The following PVT1 variants were observed in gnomAD, a reference collection of about 807,000 sequenced individuals.
PVT1 encodes CXCR4/PVT1 fusion.
intron 3 of PVT1, among the ~76,000 whole-genome samples, chr8:127,977,284 T>TG (rs1563655254): frequency 6.6e-6 from 1 of 152,066 alleles, no homozygotes; most frequent in South Asian, 2.1e-4. Flanking sequence ...GTACATTTCC[T>TG]GGGGGGAAAC....
Position 127,984,105 on chromosome 8 carries a change from C to T in PVT1, n.783-5057C>T, listed in dbSNP as rs1239993434. The T allele has an allele frequency of 1.3e-5, 2 of 151,782 alleles. 1 individual carries two copies. The highest frequency in any genetic ancestry group is 2.9e-5 in the Non-Finnish European group (2 of 68,016). 9.4% of individuals were successfully genotyped at this position (151,782 alleles called of 1,614,324 possible). A position where few individuals can be genotyped will look rare whatever the true frequency, so the allele number is the denominator to read the frequency against. ...TGTTGGCCAGGTTGGTCTCGAACTC[C>T]TGACCTCAAGTGATCCACTCACTTT... On this transcript the variant is annotated intron_variant and non_coding_transcript_variant, in intron 3 of 10. Transcript: ENST00000651587.
chr8:127,845,678 G>A (rs185286840), intron 2 of PVT1, among the ~76,000 whole-genome samples: 10 of 152,176 alleles, frequency 6.6e-5, no homozygotes, highest in African/African-American at 2.4e-4. Flanking sequence ...TCTGGAAGCC[G>A]GCAGGGGCAT....
rs535638165 is a variant in PVT1 at position 127,882,487 on chromosome 8, CT to C, written n.373-8089del. Among the ~76,000 whole-genome samples the C allele has an allele frequency of 4.9e-3, 704 of 144,920 alleles. 1 individual carries two copies. The highest frequency in any genetic ancestry group is 5.5e-3 in the Non-Finnish European group (360 of 65,592). ...TTTTTGGCATCAGTTTTGAAGAAAT[CT>C]TTTTTTTTTTTTGAGATGGAGTCTC... On this transcript the variant is annotated intron_variant and non_coding_transcript_variant, in intron 2 of 10. Coordinates refer to ENST00000651587, the Ensembl canonical transcript of PVT1.
chr8:128,056,272 T>C (rs1170561171), intron 4 of PVT1, among the ~76,000 whole-genome samples: 1 of 152,180 alleles, frequency 6.6e-6, no homozygotes, highest in African/African-American at 2.4e-5. Context: ...TTAATTGAAA[T>C]AGGAGTGTGT....
At chr8:127,979,382 A>G (rs1816858650) in intron 3 of PVT1, among the ~76,000 whole-genome samples, 1 of 152,094 alleles carries the variant, frequency 6.6e-6, no homozygotes, top group African/African-American at 2.4e-5. Flanking sequence ...AGTAGCTCCC[A>G]TTTGCTATGA....
chr8:127,912,978 G>T (rs763177826), intron 3 of PVT1, among the ~76,000 whole-genome samples: 4 of 152,198 alleles, frequency 2.6e-5, no homozygotes, highest in Non-Finnish European at 5.9e-5. Context: ...GATTACAGGC[G>T]TGAGCCACGC....
At chr8:127,930,591 G>GGT (rs1304462905) in intron 3 of PVT1, among the ~76,000 whole-genome samples, 2 of 152,194 alleles carry the variant, frequency 1.3e-5, no homozygotes, top group East Asian at 1.9e-4. Flanking sequence ...AAACAAAGAT[G>GGT]GTGTGTGTGT....
At chr8:127,867,432 T>A (rs1168857643) in intron 2 of PVT1, among the ~76,000 whole-genome samples, 1 of 152,238 alleles carries the variant, frequency 6.6e-6, no homozygotes, top group African/African-American at 2.4e-5. Context: ...TGCACATTCC[T>A]CGGCAGTATC....
intron 4 of PVT1, chr8:128,010,632 A>G (rs1165436092): frequency 6.6e-6 from 1 of 152,192 alleles, no homozygotes; most frequent in Non-Finnish European, 1.5e-5. Context: ...TTTAATAGCA[A>G]ATGGCCTCTG....
chr8:128,078,678 A>G (rs1415807846), intron 5 of PVT1, among the ~76,000 whole-genome samples: 1 of 152,224 alleles, frequency 6.6e-6, no homozygotes, highest in Non-Finnish European at 1.5e-5. Flanking sequence ...TTTTTAGAAG[A>G]TAAGTCAAAT....
chr8:127,984,311 T>C (rs1460773672), intron 3 of PVT1: 1 of 152,186 alleles, frequency 6.6e-6, no homozygotes, highest in Non-Finnish European at 1.5e-5. Context: ...TGGTCCCCTA[T>C]GGCTGCTGAT....
intron 4 of PVT1, among the ~76,000 whole-genome samples, chr8:128,019,693 G>A (rs1429401845): frequency 2.0e-5 from 3 of 152,132 alleles, no homozygotes; most frequent in African/African-American, 7.2e-5. Flanking sequence ...ACCAGCATGT[G>A]CAGATTCACT....
intron 2 of PVT1, among the ~76,000 whole-genome samples, chr8:127,859,047 A>G (rs535937444): frequency 3.3e-5 from 5 of 151,776 alleles, no homozygotes; most frequent in Admixed American, 6.6e-5. Flanking sequence ...AGCTCGAGTG[A>G]TTCTCCCGTC....
intron 3 of PVT1, among the ~76,000 whole-genome samples, chr8:127,969,147 T>C (rs1327185576): frequency 6.6e-6 from 1 of 152,238 alleles, no homozygotes; most frequent in Non-Finnish European, 1.5e-5. Flanking sequence ...TGCATGTTTA[T>C]AAGCGAACTT....
chr8:127,847,227 T>TTGGCCACCGCGCC (rs6150804), intron 2 of PVT1, among the ~76,000 whole-genome samples: 91,592 of 151,524 alleles, frequency 0.6, 28,226 homozygotes, highest in African/African-American at 0.69. Context: ...AGTCGAACTC[T>TTGGCCACCGCGCC]TGGCCCCAAA....
intron 2 of PVT1, among the ~76,000 whole-genome samples, chr8:127,818,684 C>G (rs963931156): frequency 2.0e-5 from 3 of 152,232 alleles, no homozygotes; most frequent in African/African-American, 7.2e-5. Context: ...AATTCCCCCT[C>G]TGCCGCTTCA....
chr8:127,876,335 C>G (rs1815405390), intron 2 of PVT1, among the ~76,000 whole-genome samples: 1 of 151,878 alleles, frequency 6.6e-6, no homozygotes, highest in South Asian at 2.1e-4. Context: ...CCACCCAGTT[C>G]CCACAGAGCT....
At chr8:127,910,424 C>T (rs1435211419) in intron 3 of PVT1, among the ~76,000 whole-genome samples, 1 of 152,174 alleles carries the variant, frequency 6.6e-6, no homozygotes, top group South Asian at 2.1e-4. Context: ...CTCAGTTTTG[C>T]AGGGAATGTG....
intron 3 of PVT1, among the ~76,000 whole-genome samples, chr8:127,985,870 C>T (rs559234047): frequency 2.6e-5 from 4 of 152,252 alleles, no homozygotes; most frequent in Middle Eastern, 3.4e-3. Flanking sequence ...TTGCTGATTT[C>T]GAAGCTTGTT....
Sources: gnomAD v4.1 joint callset for allele counts (sites outside exome capture counted in the v4.1 genomes callset) on GRCh38, gnomAD v4.1.1 for gene constraint, MANE v1.5 for transcripts, NCBI Gene and HGNC (gene_info 2026-07-23, HGNC 2026-07-21) for gene names.